The following KIAA1328 variants were observed in gnomAD, a reference collection of about 807,000 sequenced individuals.
KIAA1328 encodes the protein protein hinderin.
Under a neutral mutation model 68.1 loss-of-function variants are expected in KIAA1328, and 52 were observed. That is an observed-to-expected ratio of 0.76 (90% CI 0.61 to 0.96). The LOEUF is 0.96. Ranked by LOEUF, KIAA1328 falls within the 40% of genes least tolerant of loss-of-function variation. KIAA1328 has a pLI of 0.00. For synonymous variants in KIAA1328, 232 were observed against 239.4 expected (o/e 0.97, Z 0.28); for missense variants, 641 against 677.6 (o/e 0.95, Z 0.60).
At chr18:36,932,275 T>A (rs926562575) in intron 5 of KIAA1328, among the ~76,000 whole-genome samples, 2 of 152,194 alleles carry the variant, frequency 1.3e-5, no homozygotes, top group East Asian at 3.9e-4. Flanking sequence ...CAGGATGCAG[T>A]GTGGTGGCAT....
chr18:37,146,964 C>G (rs1166349499), intron 7 of KIAA1328, among the ~76,000 whole-genome samples: 3 of 152,120 alleles, frequency 2.0e-5, no homozygotes, highest in Non-Finnish European at 4.4e-5. Flanking sequence ...TTAACTCCCT[C>G]AGGAGTGAGT....
At chr18:37,133,835 A>G (rs1044143980) in intron 7 of KIAA1328, among the ~76,000 whole-genome samples, 2 of 151,946 alleles carry the variant, frequency 1.3e-5, no homozygotes, top group Non-Finnish European at 2.9e-5. Flanking sequence ...CTGTATACTA[A>G]ATTTTAAAAT....
chr18:36,853,779 C>T (rs998155569), intron 4 of KIAA1328, among the ~76,000 whole-genome samples: 5 of 152,124 alleles, frequency 3.3e-5, no homozygotes, highest in African/African-American at 1.2e-4. Flanking sequence ...CTGCGTCAGC[C>T]TCCCGCGTAG....
chr18:37,117,031 G>A (rs2058129468), intron 7 of KIAA1328, among the ~76,000 whole-genome samples: 2 of 152,174 alleles, frequency 1.3e-5, no homozygotes, highest in African/African-American at 4.8e-5. Context: ...GAGAGGATAT[G>A]GAGAAATAGG....
At chr18:37,057,618 G>A (rs1350025266) in intron 6 of KIAA1328, among the ~76,000 whole-genome samples, 5 of 149,740 alleles carry the variant, frequency 3.3e-5, no homozygotes, top group Non-Finnish European at 5.9e-5. Context: ...TGTATTTTTA[G>A]TAGAAACGGG....
chr18:36,990,538 G>T (rs1474519128), intron 6 of KIAA1328, among the ~76,000 whole-genome samples: 2 of 151,956 alleles, frequency 1.3e-5, no homozygotes, highest in Admixed American at 1.3e-4. Context: ...ACTGGGCATG[G>T]TGACACACAT....
intron 7 of KIAA1328, among the ~76,000 whole-genome samples, chr18:37,146,088 T>C (rs2058891882): frequency 6.6e-6 from 1 of 152,162 alleles, no homozygotes; most frequent in South Asian, 2.1e-4. Context: ...AATACTTTTT[T>C]TTTCGGTTTT....
chr18:37,143,114 T>G (rs922582020), intron 7 of KIAA1328, among the ~76,000 whole-genome samples: 8 of 151,912 alleles, frequency 5.3e-5, no homozygotes, highest in Admixed American at 1.3e-4. Context: ...GCCACCACAG[T>G]TGGCCAATTT....
intron 5 of KIAA1328, among the ~76,000 whole-genome samples, chr18:36,954,096 G>A (rs995623015): frequency 1.1e-4 from 15 of 142,414 alleles, no homozygotes; most frequent in Non-Finnish European, 1.8e-4. Context: ...TCTGCTTCCC[G>A]GGTTCACGCC....
chr18:37,035,060 G>A (rs1362905038), intron 6 of KIAA1328, among the ~76,000 whole-genome samples: 1 of 152,180 alleles, frequency 6.6e-6, no homozygotes, highest in Non-Finnish European at 1.5e-5. Context: ...ATTTGTTCCA[G>A]TATTCTCAAA....
At chr18:36,916,041 T>C (rs2049684875) in intron 5 of KIAA1328, among the ~76,000 whole-genome samples, 1 of 152,222 alleles carries the variant, frequency 6.6e-6, no homozygotes, top group Non-Finnish European at 1.5e-5. Flanking sequence ...GTGTTGTCTT[T>C]TCAATGTATG....
At chr18:36,861,051 T>C (rs2047549395) in intron 4 of KIAA1328, among the ~76,000 whole-genome samples, 1 of 152,192 alleles carries the variant, frequency 6.6e-6, no homozygotes, top group African/African-American at 2.4e-5. Context: ...TATTCAGATT[T>C]GACTAGTGTT....
intron 6 of KIAA1328, among the ~76,000 whole-genome samples, chr18:36,968,433 G>A (rs2052033213): frequency 6.6e-6 from 1 of 151,966 alleles, no homozygotes; most frequent in South Asian, 2.1e-4. Flanking sequence ...AATCTACCAA[G>A]CAAATAAAAA....
At chr18:37,148,334 TC>T (rs1351289344) in intron 7 of KIAA1328, among the ~76,000 whole-genome samples, 1 of 152,222 alleles carries the variant, frequency 6.6e-6, no homozygotes, top group Non-Finnish European at 1.5e-5. Context: ...TGCATAGTAT[TC>T]CATGGTGTAT....
At chr18:37,030,825 C>T (rs1236153827) in intron 6 of KIAA1328, among the ~76,000 whole-genome samples, 2 of 152,070 alleles carry the variant, frequency 1.3e-5, no homozygotes, top group African/African-American at 4.8e-5. Flanking sequence ...AATGCTATCC[C>T]TCTCCTATGC....
At chr18:37,092,186 C>T (rs948685812) in intron 7 of KIAA1328, among the ~76,000 whole-genome samples, 37 of 151,964 alleles carry the variant, frequency 2.4e-4, no homozygotes, top group Admixed American at 2.6e-4. Context: ...TTTAGGGGCC[C>T]GGGGATTAAT....
intron 6 of KIAA1328, among the ~76,000 whole-genome samples, chr18:37,036,687 G>A (rs1215581766): frequency 6.6e-6 from 1 of 152,100 alleles, no homozygotes; most frequent in Non-Finnish European, 1.5e-5. Flanking sequence ...AATGCCCAAA[G>A]GCCACCCTCT....
At chr18:37,173,168 T>G in intron 9 of KIAA1328, 87 bp downstream of exon 9, 1 of 963,136 alleles carries the variant, frequency 1.0e-6, no homozygotes, top group Non-Finnish European at 1.6e-6. Flanking sequence ...GGAAAAATCT[T>G]GACAACTCTT....
At chr18:36,880,131 T>C (rs1262487106) in intron 4 of KIAA1328, among the ~76,000 whole-genome samples, 1 of 152,160 alleles carries the variant, frequency 6.6e-6, no homozygotes, top group Admixed American at 6.5e-5. Flanking sequence ...CCCAGTTTTG[T>C]GCTTTATACC....
Sources: gnomAD v4.1 joint callset for allele counts (sites outside exome capture counted in the v4.1 genomes callset) on GRCh38, gnomAD v4.1.1 for gene constraint, MANE v1.5 for transcripts, NCBI Gene and HGNC (gene_info 2026-07-23, HGNC 2026-07-21) for gene names.